Variants in SCARA3 observed in about 807,000 individuals in gnomAD.
SCARA3 encodes scavenger receptor class A member 3, also known as cellular stress response gene protein.
SCARA3 carries 39 observed loss-of-function variants against 47.0 expected under a neutral mutation model. That is an observed-to-expected ratio of 0.83 (90% CI 0.64 to 1.08). SCARA3 has a LOEUF of 1.08. Among genes scored for constraint, SCARA3 ranks in the 50% least tolerant of loss-of-function variants. The pLI is 0.00. For missense variants in SCARA3, 724 were observed against 792.3 expected (o/e 0.91, Z 1.04); for synonymous variants, 356 against 334.1 (o/e 1.07, Z -0.71).
chr8:27,712,371 G>A, the SCARA3 span, among the ~76,000 whole-genome samples: 176 of 151,742 alleles, frequency 1.2e-3, 1 homozygote, highest in African/African-American at 4.1e-3. Flanking sequence ...AGACCATCCC[G>A]GCTAAAACGG....
chr8:27,730,236 G>A, the SCARA3 span, among the ~76,000 whole-genome samples: 3,710 of 152,274 alleles, frequency 0.024, 176 homozygotes, highest in African/African-American at 0.085. Context: ...TCCAAATAGA[G>A]GCCCGCTCAA....
At position 27,672,231 on chromosome 8, in the gene SCARA3, G is replaced by A. The variant is rs1049779309; in HGVS notation, c.*880G>A. ...AAGTTCAACATTTATTTCTTCACGT[G>A]TCCAGAAAATTCCTCAATTCATCCT... On this transcript the variant is annotated 3_prime_UTR_variant, in exon 6 of 6. Transcript: ENST00000301904. 7.1e-6 allele frequency: 7 copies of A among 985,376 alleles called. No homozygotes were observed. In the Admixed American group the frequency reaches 2.5e-4, roughly 35 times the overall value. 61.0% of individuals were successfully genotyped at this position (985,376 alleles called of 1,614,324 possible).
chr8:27,636,674 T>G (rs1425365238), intron 1 of SCARA3, among the ~76,000 whole-genome samples: 1 of 152,174 alleles, frequency 6.6e-6, no homozygotes, highest in East Asian at 1.9e-4. Context: ...GCGGGATTCC[T>G]GTCTACGGAG....
chr8:27,668,671 G>A (rs1802075349), intron 5 of SCARA3, among the ~76,000 whole-genome samples: 1 of 152,060 alleles, frequency 6.6e-6, no homozygotes, highest in African/African-American at 2.4e-5. Context: ...ACCAGCCTGG[G>A]CAACATAGTG....
chr8:27,666,012 G>C (rs2128922683), intron 5 of SCARA3, among the ~76,000 whole-genome samples: 1 of 152,330 alleles, frequency 6.6e-6, no homozygotes, highest in Non-Finnish European at 1.5e-5. Flanking sequence ...TGTTCTATAA[G>C]CACCACCCTC....
rs1802192929 is a variant in SCARA3 at position 27,672,574 on chromosome 8, A to G, written c.*1223A>G. The G allele has an allele frequency of 2.0e-6, 2 of 985,670 alleles. No individual in the cohort carries two copies. Among genetic ancestry groups the G allele is most frequent in the African/African-American group, 3.5e-5 (2 of 57,362 alleles). The allele number at this position is 985,670 out of a possible 1,614,324, so 61.1% of individuals were successfully genotyped here. ...CCGACCTTGTCCCACCGGGACCCAC[A>G]ATGGCCCGAGCCCTCTTTGCATGGG... On this transcript the variant is annotated 3_prime_UTR_variant, in exon 6 of 6. Coordinates refer to ENST00000301904, the MANE Select transcript of SCARA3 (RefSeq NM_016240.3).
the SCARA3 span, among the ~76,000 whole-genome samples, chr8:27,732,639 TA>T: frequency 6.6e-6 from 1 of 152,222 alleles, no homozygotes; most frequent in Non-Finnish European, 1.5e-5. Flanking sequence ...TTTTTCTGTA[TA>T]AAAATTCTGG....
the SCARA3 span, among the ~76,000 whole-genome samples, chr8:27,725,757 G>A: frequency 1.3e-5 from 2 of 152,168 alleles, no homozygotes; most frequent in African/African-American, 2.4e-5. Flanking sequence ...AAGCCAAACA[G>A]GGAAGAGTTG....
Position 27,671,983 on chromosome 8 carries a change from C to A in SCARA3, c.*632C>A. On this transcript the variant is annotated 3_prime_UTR_variant, in exon 6 of 6. Coordinates refer to ENST00000301904, the MANE Select transcript of SCARA3 (RefSeq NM_016240.3). Reference sequence around the variant, plus strand: ...TCACATCTGTCTCTGGGCACCCATGCTGGCCAGCAGTTTCCCAGGGCTCCC... The same window carrying A: ...TCACATCTGTCTCTGGGCACCCATGATGGCCAGCAGTTTCCCAGGGCTCCC... The A allele has an allele frequency of 2.0e-6, 2 of 985,410 alleles. No individual in the cohort carries two copies. Among genetic ancestry groups the A allele is most frequent in the Non-Finnish European group, 2.4e-6 (2 of 829,946 alleles). The allele number at this position is 985,410 out of a possible 1,614,324, so 61.0% of individuals were successfully genotyped here.
At chr8:27,634,987 G>A (rs1476164495) in intron 1 of SCARA3, among the ~76,000 whole-genome samples, 3 of 152,184 alleles carry the variant, frequency 2.0e-5, no homozygotes, top group Non-Finnish European at 4.4e-5. Flanking sequence ...GGGAACCTCC[G>A]AGGTTTTGAA....
chr8:27,729,079 A>T, the SCARA3 span, among the ~76,000 whole-genome samples: 2 of 152,166 alleles, frequency 1.3e-5, no homozygotes, highest in African/African-American at 4.8e-5. Context: ...ATATATAACA[A>T]TTCCTGTATT....
intron 5 of SCARA3, among the ~76,000 whole-genome samples, chr8:27,661,030 A>G (rs989042286): frequency 3.3e-5 from 5 of 152,192 alleles, no homozygotes; most frequent in Non-Finnish European, 5.9e-5. Context: ...GGGGAGGCTC[A>G]GCTCTTTTTT....
chr8:27,721,775 T>C, the SCARA3 span, among the ~76,000 whole-genome samples: 1 of 152,056 alleles, frequency 6.6e-6, no homozygotes, highest in African/African-American at 2.4e-5. Flanking sequence ...AATTTACAAG[T>C]CTAAAATGAA....
At chr8:27,670,809 G>A (rs1245079427) in intron 5 of SCARA3, 91 bp from the exon 6 acceptor site, 8 of 1,048,002 alleles carry the variant, frequency 7.6e-6, no homozygotes, top group East Asian at 2.6e-5. Flanking sequence ...TTCAACCCTC[G>A]GGCTGTCGCC....
chr8:27,675,957 G>C (rs1802270993), downstream of SCARA3, among the ~76,000 whole-genome samples: 1 of 152,158 alleles, frequency 6.6e-6, no homozygotes, highest in Non-Finnish European at 1.5e-5. Flanking sequence ...TGACGCCCCA[G>C]ATAAAACTTG....
At chr8:27,725,542 A>C in the SCARA3 span, among the ~76,000 whole-genome samples, 12 of 151,398 alleles carry the variant, frequency 7.9e-5, no homozygotes, top group African/African-American at 2.7e-4. Context: ...AAAAAAAAAA[A>C]CCAGAATAAT....
At chr8:27,720,383 C>G in the SCARA3 span, among the ~76,000 whole-genome samples, 1 of 152,026 alleles carries the variant, frequency 6.6e-6, no homozygotes, top group African/African-American at 2.4e-5. Flanking sequence ...AGAGATTGGT[C>G]TGGGAAGGGG....
At chr8:27,666,630 A>G (rs1267391025) in intron 5 of SCARA3, among the ~76,000 whole-genome samples, 2 of 152,172 alleles carry the variant, frequency 1.3e-5, no homozygotes, top group Admixed American at 6.5e-5. Context: ...GTCCACGCCA[A>G]TGTGCCTCCC....
At chr8:27,683,193 T>C in the SCARA3 span, among the ~76,000 whole-genome samples, 1 of 152,036 alleles carries the variant, frequency 6.6e-6, no homozygotes, top group Non-Finnish European at 1.5e-5. Context: ...AAAGGGTACA[T>C]CATGTGTAAT....
Sources: gnomAD v4.1 joint callset for allele counts (sites outside exome capture counted in the v4.1 genomes callset) on GRCh38, gnomAD v4.1.1 for gene constraint, MANE v1.5 for transcripts, NCBI Gene and HGNC (gene_info 2026-07-23, HGNC 2026-07-21) for gene names.